Variants in TRAF5 observed in about 807,000 individuals in gnomAD.
TRAF5 encodes TNF receptor associated factor 5.
Under a neutral mutation model 64.5 loss-of-function variants are expected in TRAF5, and 48 were observed. The observed-to-expected ratio is 0.74, with a 90% confidence interval of 0.59 to 0.95. The LOEUF (loss-of-function observed/expected upper bound fraction) is 0.95. TRAF5 is among the 40% of genes least tolerant of loss of function. The pLI is 0.00. For missense variants in TRAF5, 545 were observed against 662.8 expected, an observed-to-expected ratio of 0.82 and a Z score of 1.95; for synonymous variants, 206 against 240.5, an observed-to-expected ratio of 0.86 and a Z score of 1.33.
chr1:211,357,629 G>GT (rs1273889581), intron 4 of TRAF5: 2 of 151,224 alleles, frequency 1.3e-5, no homozygotes, highest in East Asian at 3.9e-4. Flanking sequence ...AATCTTACAG[G>GT]TAGCAGAGTT....
intron 1 of TRAF5, among the ~76,000 whole-genome samples, chr1:211,334,473 A>G (rs563966068): frequency 1.3e-5 from 2 of 152,290 alleles, no homozygotes; most frequent in East Asian, 3.9e-4. Flanking sequence ...CCTGGCTAAC[A>G]CGGTGAAACT....
intron 10 of TRAF5, among the ~76,000 whole-genome samples, 161 bp from the exon 11 acceptor site, chr1:211,371,967 T>A (rs1703538511): frequency 6.6e-6 from 1 of 152,206 alleles, no homozygotes; most frequent in Non-Finnish European, 1.5e-5. Context: ...AGACATGATA[T>A]TCCCTGAGTT....
At chr1:211,335,547 C>T (rs1046982101) in intron 1 of TRAF5, among the ~76,000 whole-genome samples, 2 of 151,942 alleles carry the variant, frequency 1.3e-5, no homozygotes, top group Admixed American at 1.3e-4. Flanking sequence ...ATTTACATTC[C>T]CGGCAAGTGC....
intron 2 of TRAF5, 69 bp from the exon 3 acceptor site, chr1:211,354,341 G>C: frequency 1.3e-6 from 2 of 1,490,230 alleles, no homozygotes; most frequent in Non-Finnish European, 1.9e-6. Flanking sequence ...CTGGAGCCCT[G>C]GGGCTGGTCT....
chr1:211,353,996 A>G (rs748274069), intron 2 of TRAF5, among the ~76,000 whole-genome samples: 7 of 152,242 alleles, frequency 4.6e-5, no homozygotes, highest in Non-Finnish European at 8.8e-5. Context: ...GGGTTATTAC[A>G]GCACATCCTC....
chr1:211,353,333 G>T lies in TRAF5; in HGVS notation c.94G>T (p.Glu32Ter), dbSNP rs949738891. The T allele has an allele frequency of 1.9e-6, 3 of 1,614,204 alleles. No homozygotes were observed. Among genetic ancestry groups the T allele is most frequent in the Non-Finnish European group, 2.5e-6 (3 of 1,180,044 alleles). ...SISLDFEPSIEYQFVERLEER... is the reference protein window; with the variant it reads ...SISLDFEPSI Reference sequence around the variant, plus strand: ...TTCCTTGGACTTTGAGCCCAGTATAGAGTACCAGTTTGTGGAGCGGTTGGA... The same window carrying T: ...TTCCTTGGACTTTGAGCCCAGTATATAGTACCAGTTTGTGGAGCGGTTGGA... Residue 32 changes from glutamate to a stop codon, truncating the protein, a stop_gained, in exon 2 of 11, where the codon GAG (glutamate) becomes TAG (stop). Coordinates refer to ENST00000261464, the MANE Select transcript of TRAF5 (RefSeq NM_001033910.3). LOFTEE classifies it high-confidence loss of function.
Position 211,371,320 on chromosome 1 carries a change from G to A in TRAF5, c.949G>A (p.Asp317Asn). The A allele has an allele frequency of 6.3e-7, 1 of 1,591,670 alleles. No individual in the cohort carries two copies. Among genetic ancestry groups the A allele is most frequent in the Non-Finnish European group, 8.5e-7 (1 of 1,174,606 alleles). The change falls in exon 10 of 11, where the codon GAC (aspartate) becomes AAC (asparagine). Residue 317 changes from aspartate (D) to asparagine (N), a missense_variant. Transcript: ENST00000261464. ...ATGAAAGGTTTTTGCCAGTCACATT[G>A]ACAAGTCAGCTTGGCTAGAAGCTCA... ...PNIQVFASHI[D>N]KSAWLEAQVH...
intron 1 of TRAF5, among the ~76,000 whole-genome samples, chr1:211,333,839 C>T (rs1702223272): frequency 6.6e-6 from 1 of 151,976 alleles, no homozygotes; most frequent in Non-Finnish European, 1.5e-5. Flanking sequence ...TTGCCTATGC[C>T]TACCTTTTCT....
chr1:211,368,762 C>T (rs142555888), intron 8 of TRAF5, among the ~76,000 whole-genome samples: 170 of 152,294 alleles, frequency 1.1e-3, no homozygotes, highest in African/African-American at 3.5e-3. Context: ...ATGCTACCCA[C>T]GCATTTTGCC....
At chr1:211,343,779 C>A (rs545794238) in intron 1 of TRAF5, among the ~76,000 whole-genome samples, 1 of 152,242 alleles carries the variant, frequency 6.6e-6, no homozygotes, top group Admixed American at 6.5e-5. Flanking sequence ...ACTGTGGCCT[C>A]ACAGTGACTC....
At position 211,354,483 on chromosome 1, in the gene TRAF5, CT is replaced by C; in HGVS notation, c.276+20del. 4 of 1,613,082 alleles carry C rather than the reference CT, an allele frequency of 2.5e-6. No homozygotes were observed. The highest frequency in any genetic ancestry group is 3.4e-6 in the Non-Finnish European group (4 of 1,179,104). Reference sequence around the variant, plus strand: ...ATCTCAGGAGGTAAGAAAGTCACTGCTTTTGTCTAGCAGCTCTCAGGGTGAT... The same window carrying C: ...ATCTCAGGAGGTAAGAAAGTCACTGCTTTGTCTAGCAGCTCTCAGGGTGAT... On this transcript the variant is annotated intron_variant, in intron 3 of 10. Transcript: ENST00000261464.
At position 211,348,104 on chromosome 1, in the gene TRAF5, T is replaced by C. The variant is rs192785986; in HGVS notation, c.-1-5135T>C. 2.8e-4 allele frequency among the ~76,000 whole-genome samples: 43 copies of C among 152,326 alleles called. 1 individual carries two copies. The highest frequency in any genetic ancestry group is 2.5e-3 in the Admixed American group (38 of 15,306). ...TCGTTTGCCATTTGTACTCTCCTTT[T>C]ACAAATGCACAGAGATGTTTCCCTG... On this transcript the variant is annotated intron_variant, in intron 1 of 10. Transcript: ENST00000261464.
intron 4 of TRAF5, 114 bp from the exon 5 acceptor site, chr1:211,359,798 G>A: frequency 1.5e-6 from 2 of 1,292,804 alleles, no homozygotes; most frequent in East Asian, 2.3e-5. Flanking sequence ...CCCTGTGCAA[G>A]CCTTTCTGCC....
Position 211,365,095 on chromosome 1 carries a change from C to G in TRAF5, c.697-281C>G, listed in dbSNP as rs113707201. ...GGTTGGGGCACAAGAATCGCTTGAA[C>G]CCGAGAGGCAGAGTCTGCAGTGAGC... is the stretch of plus-strand genomic sequence containing the variant. On this transcript the variant is annotated intron_variant, in intron 7 of 10. Transcript: ENST00000261464. 2.4e-4 allele frequency among the ~76,000 whole-genome samples: 37 copies of G among 152,082 alleles called. 1 individual carries two copies. Among genetic ancestry groups the G allele is most frequent in the African/African-American group, 8.7e-4 (36 of 41,484 alleles).
At position 211,346,380 on chromosome 1, in the gene TRAF5, G is replaced by A. The variant is rs71640008; in HGVS notation, c.-1-6859G>A. 2.2e-5 allele frequency: 22 copies of A among 985,482 alleles called. 1 individual carries two copies. In the South Asian group the frequency reaches 8.5e-4, roughly 38 times the overall value. The allele number at this position is 985,482 out of a possible 1,614,324, so 61.0% of individuals were successfully genotyped here. A position where few individuals can be genotyped will look rare whatever the true frequency, so the allele number is the denominator to read the frequency against. On this transcript the variant is annotated intron_variant, in intron 1 of 10. Transcript: ENST00000261464. ...CCCAGGATCAGTGCAGGGATGTGCA[G>A]ATGAGTGGGCTGTGGGGTGTCCTGC...
chr1:211,371,235 T>G (rs915481535), intron 9 of TRAF5, 67 bp from the exon 10 acceptor site: 284 of 1,436,716 alleles, frequency 2.0e-4, no homozygotes, highest in Non-Finnish European at 3.7e-5. Context: ...AAAAAAATTT[T>G]AATCTCAATG....
chr1:211,345,360 C>T (rs117991054), intron 1 of TRAF5, among the ~76,000 whole-genome samples: 6,167 of 151,830 alleles, frequency 0.041, 168 homozygotes, highest in Middle Eastern at 0.12. Flanking sequence ...CAGCCCTGCG[C>T]TCCCCCCCCC....
chr1:211,340,854 C>T (rs894914741), intron 1 of TRAF5, among the ~76,000 whole-genome samples: 1 of 152,240 alleles, frequency 6.6e-6, no homozygotes, highest in African/African-American at 2.4e-5. Context: ...TTCGCAGCCT[C>T]CACAATCGCG....
chr1:211,360,416 G>C (rs1703136767), intron 5 of TRAF5: 1 of 495,978 alleles, frequency 2.0e-6, no homozygotes, highest in Non-Finnish European at 3.6e-6. Flanking sequence ...AGAAAGCATG[G>C]GTACCTTTTA....
Sources: gnomAD v4.1 joint callset for allele counts (sites outside exome capture counted in the v4.1 genomes callset) on GRCh38, gnomAD v4.1.1 for gene constraint, MANE v1.5 for transcripts, NCBI Gene and HGNC (gene_info 2026-07-23, HGNC 2026-07-21) for gene names.